Variants in NUS1 observed in about 807,000 individuals in gnomAD.
NUS1 encodes the protein dehydrodolichyl diphosphate synthase complex subunit NUS1.
For missense variants in NUS1, 292 were observed against 382.9 expected (o/e 0.76, Z 1.98); for synonymous variants, 135 against 155.2 (o/e 0.87, Z 0.97).
In NUS1 at chr6:117,709,534, G is replaced by A. The variant is rs1773546909; in HGVS notation, c.*2519G>A. On this transcript the variant is annotated 3_prime_UTR_variant, in exon 5 of 5. Coordinates refer to ENST00000368494, the MANE Select transcript of NUS1 (RefSeq NM_138459.5). ...CGCTTAAGAATGCCTGTCTTTGAGA[G>A]GAAGGTGTTATAATATTAATGAACA... The A allele has an allele frequency of 2.0e-5, 3 of 147,844 alleles. No individual in the cohort carries two copies. Among genetic ancestry groups the A allele is most frequent in the South Asian group, 2.2e-4 (1 of 4,516 alleles). The allele number at this position is 147,844 out of a possible 1,614,324, so 9.2% of individuals were successfully genotyped here.
intron 1 of NUS1, among the ~76,000 whole-genome samples, chr6:117,683,744 C>G (rs1470962877): frequency 6.6e-6 from 1 of 152,108 alleles, no homozygotes; most frequent in Non-Finnish European, 1.5e-5. Flanking sequence ...ATTCCAGTTT[C>G]AGATTTAAAA....
chr6:117,685,585 CAAG>C (rs1773125245), intron 1 of NUS1, among the ~76,000 whole-genome samples: 1 of 152,062 alleles, frequency 6.6e-6, no homozygotes, highest in African/African-American at 2.4e-5. Context: ...TTCCTGACCT[CAAG>C]TGATCCTCCC....
intron 1 of NUS1, among the ~76,000 whole-genome samples, chr6:117,680,415 T>C (rs1374492174): frequency 2.6e-5 from 4 of 152,238 alleles, no homozygotes; most frequent in African/African-American, 9.6e-5. Context: ...GGATATGTAT[T>C]GTTATCTTAA....
chr6:117,695,216 A>AAAAAAAAAAAG (rs1773301653), intron 3 of NUS1, among the ~76,000 whole-genome samples: 1 of 151,370 alleles, frequency 6.6e-6, no homozygotes, highest in Admixed American at 6.6e-5. Context: ...AAAAAAAAAA[A>AAAAAAAAAAAG]AAAAAGAAAA....
chr6:117,700,550 G>A (rs1773391688), intron 3 of NUS1, among the ~76,000 whole-genome samples: 1 of 152,218 alleles, frequency 6.6e-6, no homozygotes, highest in African/African-American at 2.4e-5. Flanking sequence ...GGTACAACCA[G>A]TGTGGAGAAC....
intron 2 of NUS1, 25 bp downstream of exon 2, chr6:117,693,192 A>G (rs753698696): frequency 1.3e-6 from 2 of 1,598,648 alleles, no homozygotes; most frequent in East Asian, 2.2e-5. Flanking sequence ...ATAATTGAAC[A>G]TGTAACATAT....
Position 117,705,514 on chromosome 6 carries a change from A to G in NUS1, c.792-1411A>G, listed in dbSNP as rs138055732. Among the ~76,000 whole-genome samples, 5 of 152,308 alleles carry G rather than the reference A, an allele frequency of 3.3e-5. No individual in the cohort carries two copies. The East Asian group carries it at 5.8e-4, about 18-fold the overall frequency. On this transcript the variant is annotated intron_variant, in intron 4 of 4. Coordinates refer to ENST00000368494, the MANE Select transcript of NUS1 (RefSeq NM_138459.5). ...AACAGGCTCTTCCTTTGACCTATGTACATGTCTATGATAGCTATATCACAT... is the reference window on the plus strand; with the variant it reads ...AACAGGCTCTTCCTTTGACCTATGTGCATGTCTATGATAGCTATATCACAT...
Position 117,683,867 on chromosome 6 carries a change from A to G in NUS1, c.415+7782A>G, listed in dbSNP as rs144947962. Reference sequence around the variant, plus strand: ...TGCAGATAAGATTTGCTGATGGAATACTTGTCTAATTAAACTCCTTGTGAC... The same window carrying G: ...TGCAGATAAGATTTGCTGATGGAATGCTTGTCTAATTAAACTCCTTGTGAC... On this transcript the variant is annotated intron_variant, in intron 1 of 4. Coordinates refer to ENST00000368494, the MANE Select transcript of NUS1 (RefSeq NM_138459.5). Among the ~76,000 whole-genome samples, 80 of 152,358 alleles carry G rather than the reference A, an allele frequency of 5.3e-4. 1 individual carries two copies. The East Asian group carries it at 0.014, about 26-fold the overall frequency.
intron 1 of NUS1, among the ~76,000 whole-genome samples, chr6:117,683,376 T>G (rs1206656185): frequency 1.3e-5 from 2 of 152,224 alleles, no homozygotes; most frequent in Non-Finnish European, 2.9e-5. Context: ...ATTTATTTTC[T>G]TATGACTACT....
rs1305979042 is a variant in NUS1, at chr6:117,675,490, C to T, written c.-181C>T. The T allele has an allele frequency of 3.2e-6, 2 of 625,492 alleles. No homozygotes were observed. Among genetic ancestry groups the T allele is most frequent in the Admixed American group, 5.7e-5 (2 of 35,104 alleles). The allele number at this position is 625,492 out of a possible 1,614,324, so 38.7% of individuals were successfully genotyped here. A position where few individuals can be genotyped will look rare whatever the true frequency, so the allele number is the denominator to read the frequency against. ...CCATGTACTACTGGGGGCGGGGCTGCCAAGGGAGGAGGAAGATGGCGGCGG... is the reference window on the plus strand; with the variant it reads ...CCATGTACTACTGGGGGCGGGGCTGTCAAGGGAGGAGGAAGATGGCGGCGG... On this transcript the variant is annotated 5_prime_UTR_variant, in exon 1 of 5. Coordinates refer to ENST00000368494, the MANE Select transcript of NUS1 (RefSeq NM_138459.5).
At chr6:117,703,075 C>A (rs1331028991) in intron 3 of NUS1, among the ~76,000 whole-genome samples, 1 of 152,016 alleles carries the variant, frequency 6.6e-6, no homozygotes, top group Non-Finnish European at 1.5e-5. Context: ...CTCTGGGGAC[C>A]AAGGAAGACA....
At chr6:117,700,966 G>A (rs73511220) in intron 3 of NUS1, among the ~76,000 whole-genome samples, 7,923 of 151,394 alleles carry the variant, frequency 0.052, 489 homozygotes, top group East Asian at 0.27. Context: ...GATAATGGGG[G>A]AGTGAGCCAG....
chr6:117,697,747 A>G (rs750013663), intron 3 of NUS1, among the ~76,000 whole-genome samples: 1 of 152,102 alleles, frequency 6.6e-6, no homozygotes, highest in Non-Finnish European at 1.5e-5. Flanking sequence ...TCAACACTAG[A>G]CAGATAGAGA....
chr6:117,706,015 G>A (rs1399172290), intron 4 of NUS1, among the ~76,000 whole-genome samples: 1 of 152,032 alleles, frequency 6.6e-6, no homozygotes, highest in Non-Finnish European at 1.5e-5. Flanking sequence ...TTTTTTTGTG[G>A]TGCATGTGAC....
chr6:117,690,781 G>A (rs142060217), intron 1 of NUS1, among the ~76,000 whole-genome samples: 9,724 of 151,918 alleles, frequency 0.064, 358 homozygotes, highest in African/African-American at 0.091. Flanking sequence ...CACGAGGTCC[G>A]GAGGTCAAGA....
intron 1 of NUS1, among the ~76,000 whole-genome samples, chr6:117,688,242 A>G (rs918500274): frequency 6.6e-6 from 1 of 152,150 alleles, no homozygotes; most frequent in Non-Finnish European, 1.5e-5. Context: ...GTGTGTATAT[A>G]TAATAAAGAA....
chr6:117,684,257 G>T (rs779649691), intron 1 of NUS1, among the ~76,000 whole-genome samples: 18 of 152,196 alleles, frequency 1.2e-4, no homozygotes, highest in Non-Finnish European at 2.4e-4. Flanking sequence ...AATGTCACGT[G>T]TGTGCTGACA....
intron 4 of NUS1, among the ~76,000 whole-genome samples, chr6:117,706,461 C>A (rs188505306): frequency 6.6e-6 from 1 of 152,020 alleles, no homozygotes; most frequent in African/African-American, 2.4e-5. Context: ...TCTGAGCTTA[C>A]GCTTTAACAA....
At chr6:117,676,770 T>A (rs1772989580) in intron 1 of NUS1, among the ~76,000 whole-genome samples, 1 of 152,222 alleles carries the variant, frequency 6.6e-6, no homozygotes, top group Non-Finnish European at 1.5e-5. Context: ...TTCTGTGCTT[T>A]TTCACAATCT....
Sources: allele counts gnomAD v4.1 joint callset (sites outside exome capture counted in the v4.1 genomes callset), GRCh38; gene constraint gnomAD v4.1.1; transcripts MANE v1.5; gene names NCBI Gene and HGNC (gene_info 2026-07-23, HGNC 2026-07-21).